STX8: variants seen among roughly 807,000 people sequenced by gnomAD.
STX8 encodes the protein syntaxin 8.
Under a neutral mutation model 37.5 loss-of-function variants are expected in STX8, and 23 were observed. That is an observed-to-expected ratio of 0.61 (90% CI 0.44 to 0.87). STX8 has a LOEUF of 0.87. Ranked by LOEUF, STX8 falls within the 40% of genes least tolerant of loss-of-function variation. The pLI, the probability that STX8 is intolerant of heterozygous loss-of-function variation, is 0.00. For synonymous variants in STX8, 115 were observed against 99.1 expected (o/e 1.16, Z -0.95); for missense variants, 313 against 284.7 (o/e 1.10, Z -0.71).
intron 7 of STX8, among the ~76,000 whole-genome samples, chr17:9,303,706 A>T (rs1908864147): frequency 6.6e-6 from 1 of 152,224 alleles, no homozygotes; most frequent in Non-Finnish European, 1.5e-5. Flanking sequence ...AATCAGTAGA[A>T]ATAGGGATGA....
chr17:9,360,591 C>A (rs1270277523), intron 7 of STX8, among the ~76,000 whole-genome samples: 3 of 149,414 alleles, frequency 2.0e-5, no homozygotes, highest in African/African-American at 7.4e-5. Context: ...TAAGTTATAC[C>A]AGCCAAAATA....
chr17:9,346,817 A>G (rs1224193655), intron 7 of STX8, among the ~76,000 whole-genome samples: 2 of 152,194 alleles, frequency 1.3e-5, no homozygotes, highest in African/African-American at 4.8e-5. Flanking sequence ...AGTGACATGA[A>G]GAGATATACT....
At chr17:9,452,803 G>GT (rs751320265) in intron 6 of STX8, among the ~76,000 whole-genome samples, 1,554 of 133,830 alleles carry the variant, frequency 0.012, 41 homozygotes, top group Admixed American at 0.058. Context: ...GATGGCCCTT[G>GT]TTTTTTTTTC....
intron 7 of STX8, among the ~76,000 whole-genome samples, chr17:9,298,195 T>TGG (rs1908636292): frequency 6.6e-6 from 1 of 152,120 alleles, no homozygotes; most frequent in Non-Finnish European, 1.5e-5. Context: ...GATGAACTGA[T>TGG]GGGAGTCCTT....
At chr17:9,284,821 T>C (rs1908017788) in intron 7 of STX8, among the ~76,000 whole-genome samples, 1 of 152,172 alleles carries the variant, frequency 6.6e-6, no homozygotes, top group South Asian at 2.1e-4. Flanking sequence ...AAAATTAACC[T>C]CAAAAAGTTT....
chr17:9,329,762 C>A (rs1052773973), intron 7 of STX8, among the ~76,000 whole-genome samples: 3 of 152,236 alleles, frequency 2.0e-5, no homozygotes, highest in Middle Eastern at 6.3e-3. Flanking sequence ...CAAATGGCAA[C>A]TGGACAGAGT....
At chr17:9,525,518 T>C (rs1413190362) in intron 4 of STX8, among the ~76,000 whole-genome samples, 2 of 152,020 alleles carry the variant, frequency 1.3e-5, no homozygotes, top group African/African-American at 4.8e-5. Flanking sequence ...AGCTAATTTT[T>C]TGTATTTTTA....
intron 7 of STX8, among the ~76,000 whole-genome samples, chr17:9,265,973 T>C (rs550685875): frequency 6.6e-6 from 1 of 152,156 alleles, no homozygotes; most frequent in South Asian, 2.1e-4. Flanking sequence ...CCCCTTTCCC[T>C]CGAGTCCTAG....
chr17:9,376,341 T>A (rs559296280), intron 7 of STX8, among the ~76,000 whole-genome samples: 2 of 152,052 alleles, frequency 1.3e-5, no homozygotes, highest in South Asian at 4.2e-4. Context: ...CAGCACGCTG[T>A]AAAAATGCAC....
chr17:9,292,685 C>A (rs1908356570), intron 7 of STX8, among the ~76,000 whole-genome samples: 1 of 152,230 alleles, frequency 6.6e-6, no homozygotes, highest in Non-Finnish European at 1.5e-5. Flanking sequence ...TTCAGCAGCA[C>A]AGCTCACAGT....
intron 6 of STX8, among the ~76,000 whole-genome samples, chr17:9,443,472 AG>A (rs560019498): frequency 6.6e-6 from 1 of 152,142 alleles, no homozygotes; most frequent in Non-Finnish European, 1.5e-5. Flanking sequence ...ATGATATTGG[AG>A]GGTACCACTA....
At chr17:9,434,359 G>A (rs1363686881) in intron 6 of STX8, among the ~76,000 whole-genome samples, 1 of 152,234 alleles carries the variant, frequency 6.6e-6, no homozygotes, top group Non-Finnish European at 1.5e-5. Flanking sequence ...GAAGCCACTA[G>A]AGGATTTTAG....
intron 6 of STX8, among the ~76,000 whole-genome samples, chr17:9,438,240 CAA>C (rs1297626169): frequency 0.047 from 3,089 of 66,220 alleles, 64 homozygotes; most frequent in Admixed American, 0.092. Context: ...GACTCCATCT[CAA>C]AAAAAAAAAA....
chr17:9,562,304 G>A (rs1033000211), intron 2 of STX8, among the ~76,000 whole-genome samples: 11 of 151,936 alleles, frequency 7.2e-5, no homozygotes, highest in African/African-American at 2.7e-4. Flanking sequence ...TACTTGGGAG[G>A]CTGAGGCAGG....
intron 2 of STX8, among the ~76,000 whole-genome samples, chr17:9,559,855 C>T (rs1178201744): frequency 0.062 from 1 of 16 alleles, no homozygotes; most frequent in Non-Finnish European, 0.071. Flanking sequence ...CTCCGCCTCC[C>T]GTTTTAAGCG....
chr17:9,380,396 G>C (rs980536140), intron 6 of STX8, among the ~76,000 whole-genome samples: 1 of 151,628 alleles, frequency 6.6e-6, no homozygotes, highest in African/African-American at 2.4e-5. Flanking sequence ...GAGACTGTAA[G>C]CATGTGCCAC....
intron 7 of STX8, among the ~76,000 whole-genome samples, chr17:9,353,394 G>T (rs746566895): frequency 6.6e-6 from 1 of 152,192 alleles, no homozygotes. Flanking sequence ...CAAGAACTGG[G>T]TGTAAACTGT....
intron 6 of STX8, among the ~76,000 whole-genome samples, chr17:9,449,006 T>C (rs896431389): frequency 2.0e-5 from 3 of 152,190 alleles, no homozygotes; most frequent in African/African-American, 7.2e-5. Context: ...TACCAAGTGC[T>C]GACAAGAATA....
In STX8 at chr17:9,319,670, C is replaced by T. The variant is rs549070539; in HGVS notation, c.643+58882G>A. On this transcript the variant is annotated intron_variant, in intron 7 of 7. Transcript: ENST00000306357. ...AAAAATTTCAAAATAAAATGAAAGC[C>T]GGCCAGGCACAGTGGCTCACACCTG... Among the ~76,000 whole-genome samples the T allele has an allele frequency of 5.9e-5, 9 of 151,982 alleles. No individual in the cohort carries two copies. In the South Asian group the frequency reaches 1.7e-3, roughly 28 times the overall value.
Sources: allele counts gnomAD v4.1 joint callset (sites outside exome capture counted in the v4.1 genomes callset), GRCh38; gene constraint gnomAD v4.1.1; transcripts MANE v1.5; gene names NCBI Gene and HGNC (gene_info 2026-07-23, HGNC 2026-07-21).